RHOBTB2: variants seen among roughly 807,000 people sequenced by gnomAD.
RHOBTB2 encodes Rho related BTB domain containing 2.
Under a neutral mutation model 66.5 loss-of-function variants are expected in RHOBTB2, and 39 were observed. That is an observed-to-expected ratio of 0.59 (90% CI 0.45 to 0.77). The LOEUF (loss-of-function observed/expected upper bound fraction) is 0.77. Ranked by LOEUF, RHOBTB2 falls within the 30% of genes least tolerant of loss-of-function variation. The probability of loss-of-function intolerance (pLI) is 0.00; values close to 1 mark genes in which losing one functional copy is unlikely to be tolerated. For missense variants in RHOBTB2, 755 were observed against 999.1 expected (o/e 0.76, Z 3.29); for synonymous variants, 390 against 395.0 (o/e 0.99, Z 0.15).
At chr8:22,967,275 G>C in the RHOBTB2 span, among the ~76,000 whole-genome samples, 1 of 152,154 alleles carries the variant, frequency 6.6e-6, no homozygotes, top group Non-Finnish European at 1.5e-5. Flanking sequence ...AATGGGCCTT[G>C]AAGGCATTAT....
rs1810693765 is a variant in RHOBTB2, at chr8:22,999,559, C to T, written c.-557C>T. ...GCGCGGCAGTGGGCGGGGCCCGTCA[C>T]GGCTGTCGTCTTGGGTGCGATTTTT... On this transcript the variant is annotated 5_prime_UTR_variant, in exon 1 of 10. The change creates a new upstream start codon in the 5' untranslated region. Transcript: ENST00000251822. The T allele has an allele frequency of 8.4e-7, 1 of 1,197,058 alleles. No homozygotes were observed. Among genetic ancestry groups the T allele is most frequent in the Non-Finnish European group, 1.1e-6 (1 of 949,520 alleles). The allele number at this position is 1,197,058 out of a possible 1,614,324, so 74.2% of individuals were successfully genotyped here.
upstream of RHOBTB2, chr8:22,984,609 T>C (rs1027810879): frequency 1.3e-5 from 2 of 152,144 alleles, no homozygotes; most frequent in East Asian, 1.9e-4. Flanking sequence ...GATCATGATG[T>C]AGTATTGTCT....
the RHOBTB2 span, among the ~76,000 whole-genome samples, chr8:22,976,603 G>T: frequency 6.6e-6 from 1 of 152,266 alleles, no homozygotes; most frequent in East Asian, 1.9e-4. Flanking sequence ...CAGAAGCACT[G>T]TTTTTGTTGA....
Position 23,017,006 on chromosome 8 carries a change from C to T in RHOBTB2, c.1967-246C>T, listed in dbSNP as rs1811311132. ...GTTTCATTCCCAACGCACAGGAAGC[C>T]CTTGTCTAGATCGCCCGTCTTTGGA... On this transcript the variant is annotated intron_variant, in intron 9 of 9. Coordinates refer to ENST00000251822, the MANE Select transcript of RHOBTB2 (RefSeq NM_015178.3). The surrounding 1 kb of genome is among the most constrained non-coding windows in gnomAD (Gnocchi z 5.3). Among the ~76,000 whole-genome samples the T allele has an allele frequency of 1.3e-5, 2 of 152,208 alleles. No individual in the cohort carries two copies. Among genetic ancestry groups the T allele is most frequent in the African/African-American group, 4.8e-5 (2 of 41,454 alleles).
chr8:22,985,782 C>T (rs1047850530), upstream of RHOBTB2, among the ~76,000 whole-genome samples: 1 of 152,190 alleles, frequency 6.6e-6, no homozygotes, highest in African/African-American at 2.4e-5. Flanking sequence ...CTCCAATGCC[C>T]CTGACCTGGC....
chr8:23,005,042 C>G (rs1322929463), intron 2 of RHOBTB2, among the ~76,000 whole-genome samples: 1 of 152,140 alleles, frequency 6.6e-6, no homozygotes, highest in African/African-American at 2.4e-5. Flanking sequence ...CAAGGGTCAG[C>G]TCCCAAAGAG....
the RHOBTB2 span, among the ~76,000 whole-genome samples, chr8:22,958,944 G>A: frequency 2.7e-4 from 41 of 152,270 alleles, no homozygotes; most frequent in Middle Eastern, 3.4e-3. Context: ...CACAATTGGG[G>A]CCACTGTGTA....
the RHOBTB2 span, among the ~76,000 whole-genome samples, chr8:22,974,578 G>A: frequency 6.6e-6 from 1 of 152,190 alleles, no homozygotes; most frequent in African/African-American, 2.4e-5. Context: ...CTTAGTCACT[G>A]CCACATTGGT....
At chr8:23,000,509 C>A (rs939596178) in intron 1 of RHOBTB2, among the ~76,000 whole-genome samples, 1 of 152,160 alleles carries the variant, frequency 6.6e-6, no homozygotes, top group African/African-American at 2.4e-5. Flanking sequence ...TCTTTGAACT[C>A]AACTCCATTG....
At chr8:22,951,229 ACTTT>A in the RHOBTB2 span, among the ~76,000 whole-genome samples, 1 of 128,184 alleles carries the variant, frequency 7.8e-6, no homozygotes, top group Admixed American at 7.9e-5. Flanking sequence ...CCCGTTTCCC[ACTTT>A]CTACTTAGCT....
At chr8:22,974,544 T>A in the RHOBTB2 span, among the ~76,000 whole-genome samples, 2 of 152,190 alleles carry the variant, frequency 1.3e-5, no homozygotes. Context: ...TTCCTCCTCC[T>A]GAGGCCCAGC....
chr8:22,995,214 T>A (rs1236116377), upstream of RHOBTB2, among the ~76,000 whole-genome samples: 1 of 152,176 alleles, frequency 6.6e-6, no homozygotes, highest in Admixed American at 6.5e-5. Context: ...ATTACAGGCA[T>A]AAGCCACCAC....
Position 23,007,151 on chromosome 8 carries a change from G to T in RHOBTB2, c.906G>T (p.Glu302Asp). Residue 302 changes from glutamate (E) to aspartate (D), a missense_variant, in exon 5 of 10, where the codon GAG becomes GAT. Physicochemically the swap from Glu to Asp is conservative, Grantham distance 45 (BLOSUM62 2). Around this residue, in one of 7 missense-constraint regions of RHOBTB2, gnomAD observed 247 missense variants for 238.9 expected, o/e 1.03. Transcript: ENST00000251822. Reference sequence around the variant, plus strand: ...ACCTGTTCCTCATGGACCTGAGTGAGGGGGAGCTGGGGGGCCCCTCGGAGC... The same window carrying T: ...ACCTGTTCCTCATGGACCTGAGTGATGGGGAGCTGGGGGGCCCCTCGGAGC... The part of the protein sequence containing the change: ...FYDLFLMDLS[E>D]GELGGPSEPG... The T allele has an allele frequency of 6.2e-7, 1 of 1,606,224 alleles. No homozygotes were observed. The highest frequency in any genetic ancestry group is 8.5e-7 in the Non-Finnish European group (1 of 1,179,288).
chr8:22,965,458 A>G, the RHOBTB2 span, among the ~76,000 whole-genome samples: 1 of 152,270 alleles, frequency 6.6e-6, no homozygotes, highest in South Asian at 2.1e-4. Context: ...ATCTCAGGGG[A>G]CCCCCGAATA....
chr8:22,999,486 T>TCCGGCCCCCC, upstream of RHOBTB2: 1 of 943,786 alleles, frequency 1.1e-6, no homozygotes, highest in Non-Finnish European at 1.3e-6. Context: ...ATCCCCTTCT[T>TCCGGCCCCCC]CCCCCGCCCG....
At chr8:22,990,815 G>T (rs1810407265) in intron 1 of RHOBTB2, among the ~76,000 whole-genome samples, 1 of 152,152 alleles carries the variant, frequency 6.6e-6, no homozygotes, top group Non-Finnish European at 1.5e-5. Context: ...AGGCCATCTG[G>T]GGTCCAGCCT....
upstream of RHOBTB2, among the ~76,000 whole-genome samples, chr8:22,999,407 C>T (rs1436261711): frequency 1.3e-5 from 2 of 151,726 alleles, no homozygotes; most frequent in Admixed American, 1.3e-4. Context: ...GGCGTCGCTG[C>T]GGGAGGGGCG....
the RHOBTB2 span, among the ~76,000 whole-genome samples, chr8:22,976,743 A>G: frequency 1.3e-5 from 2 of 151,636 alleles, no homozygotes. Context: ...CTTGTGTCTC[A>G]GCCTCCCAAG....
chr8:22,980,151 C>A, the RHOBTB2 span, among the ~76,000 whole-genome samples: 1 of 151,958 alleles, frequency 6.6e-6, no homozygotes, highest in Non-Finnish European at 1.5e-5. Flanking sequence ...TATTTGAGGG[C>A]TGTAAATTGA....
Sources: gnomAD v4.1 joint callset for allele counts (sites outside exome capture counted in the v4.1 genomes callset) on GRCh38, gnomAD v4.1.1 for gene constraint, gnomAD v4.1.1 regional missense constraint, Gnocchi (gnomAD v3.1) non-coding constraint, MANE v1.5 for transcripts, NCBI Gene and HGNC (gene_info 2026-07-23, HGNC 2026-07-21) for gene names.